PBRM1: variants seen among roughly 807,000 people sequenced by gnomAD.
The protein encoded by PBRM1 is protein polybromo-1.
PBRM1 carries 27 observed loss-of-function variants against 194.5 expected under a neutral mutation model. The observed-to-expected ratio is 0.14, with a 90% CI of 0.10 to 0.19. The LOEUF (loss-of-function observed/expected upper bound fraction) is 0.19. PBRM1 is among the 10% of genes least tolerant of loss of function. The pLI, the probability that PBRM1 is intolerant of heterozygous loss-of-function variation, is 1.00. For missense variants in PBRM1, 1,466 were observed against 2,077.2 expected (o/e 0.71, Z 5.72); for synonymous variants, 655 against 693.2 (o/e 0.94, Z 0.87).
intron 15 of PBRM1, among the ~76,000 whole-genome samples, chr3:52,610,428 C>T (rs549325750): frequency 7.2e-5 from 11 of 152,264 alleles, no homozygotes; most frequent in African/African-American, 2.4e-4. Flanking sequence ...CACTGAAAAT[C>T]GTACAAACAA....
At chr3:52,602,180 C>G (rs1466850379) in intron 17 of PBRM1, among the ~76,000 whole-genome samples, 1 of 152,158 alleles carries the variant, frequency 6.6e-6, no homozygotes, top group Non-Finnish European at 1.5e-5. Context: ...ATTCTTGGAG[C>G]TGTTTTTCAT....
At chr3:52,679,609 T>C (rs2154066073) in exon 1 of PBRM1, 1 of 1,613,824 alleles carries the variant, frequency 6.2e-7, no homozygotes, top group African/African-American at 1.3e-5. Flanking sequence ...AGTCTCCTCC[T>C]TTTCCTGCTT....
chr3:52,590,266 C>T (rs964426647), intron 17 of PBRM1, among the ~76,000 whole-genome samples: 2 of 151,864 alleles, frequency 1.3e-5, no homozygotes, highest in African/African-American at 4.8e-5. Flanking sequence ...GCCAGCCTGG[C>T]CAACATGGTG....
At chr3:52,615,491 A>T (rs761363678) in intron 14 of PBRM1, 35 bp from the exon 17 acceptor site, 5 of 1,273,798 alleles carry the variant, frequency 3.9e-6, no homozygotes, top group Non-Finnish European at 4.6e-6. Flanking sequence ...TTATTTTCTA[A>T]AAACTTTTCA....
Position 52,587,035 on chromosome 3 carries a change from C to T in PBRM1, c.3123+318G>A, listed in dbSNP as rs143964042. Among the ~76,000 whole-genome samples the T allele has an allele frequency of 5.2e-3, 790 of 152,018 alleles. 8 individuals carry two copies. The highest frequency in any genetic ancestry group is 0.018 in the African/African-American group (730 of 41,490). ...TGTGTATCAGACAGACACACAAAAG[C>T]ACACATTATTACCTAAAAAACAAAC... On this transcript the variant is annotated intron_variant, in intron 19 of 29. Coordinates refer to ENST00000296302, the Ensembl canonical transcript of PBRM1.
chr3:52,554,454 G>A (rs1183983262), intron 27 of PBRM1, among the ~76,000 whole-genome samples: 1 of 152,230 alleles, frequency 6.6e-6, no homozygotes, highest in South Asian at 2.1e-4. Flanking sequence ...AGTGATTATC[G>A]ATAGAGTATG....
intron 2 of PBRM1, among the ~76,000 whole-genome samples, chr3:52,670,286 C>T (rs2153998210): frequency 6.6e-6 from 1 of 152,308 alleles, no homozygotes; most frequent in South Asian, 2.1e-4. Flanking sequence ...ATGGTCAAAA[C>T]AGGGTCCCCC....
intron 24 of PBRM1, among the ~76,000 whole-genome samples, chr3:52,562,537 C>CT (rs61349809): frequency 0.087 from 9,360 of 108,170 alleles, 1,064 homozygotes; most frequent in African/African-American, 0.28. Flanking sequence ...TGAGAAAATT[C>CT]TTTTTTTTTT....
upstream of PBRM1, among the ~76,000 whole-genome samples, chr3:52,680,182 G>C (rs1482382943): frequency 6.6e-6 from 1 of 152,140 alleles, no homozygotes; most frequent in Non-Finnish European, 1.5e-5. Context: ...ATGATCATTT[G>C]CTAGGTGGGC....
In PBRM1 at chr3:52,627,027, C is replaced by T. The variant is rs770422387; in HGVS notation, c.1541+246G>A. Among the ~76,000 whole-genome samples the T allele has an allele frequency of 6.0e-5, 9 of 148,984 alleles. No homozygotes were observed. In the East Asian group the frequency reaches 7.8e-4, roughly 13 times the overall value. ...GAAAAAAAAAAACCCAGACGGCAAA[C>T]GGAATAACATGTTTTGCCAAGCTAC... is the stretch of plus-strand genomic sequence containing the variant. On this transcript the variant is annotated intron_variant, in intron 13 of 29. Transcript: ENST00000296302.
rs373610474 is a variant in PBRM1 at position 52,668,261 on chromosome 3, C to T, written c.384+237G>A. Among the ~76,000 whole-genome samples, 13 of 152,330 alleles carry T rather than the reference C, an allele frequency of 8.5e-5. No homozygotes were observed. The East Asian group carries it at 2.5e-3, about 29-fold the overall frequency. On this transcript the variant is annotated intron_variant, in intron 3 of 29. Transcript: ENST00000296302. ...GCCATGAGCCAAGATCTCACCACTG[C>T]ACTCCAGCCCGTGTAACAGAGCAAG... is the stretch of plus-strand genomic sequence containing the variant.
chr3:52,589,638 A>C (rs1377924733), intron 17 of PBRM1, among the ~76,000 whole-genome samples: 2 of 152,090 alleles, frequency 1.3e-5, no homozygotes, highest in African/African-American at 2.4e-5. Context: ...CCCCACCTTA[A>C]TGCTTCTTAA....
rs2153368484 is a variant in PBRM1, at chr3:52,550,411, G to A, written c.4897+10C>T. ...GTATTTCACAAAGGCTTATTTAGAA[G>A]GAATCTTACCTGCCAGTGTCTGATC... is the stretch of plus-strand genomic sequence containing the variant. On this transcript the variant is annotated intron_variant, in intron 29 of 29. Coordinates refer to ENST00000296302, the Ensembl canonical transcript of PBRM1. 8.6e-7 allele frequency: 1 copy of A among 1,165,698 alleles called. No individual in the cohort carries two copies. The highest frequency in any genetic ancestry group is 1.2e-6 in the Non-Finnish European group (1 of 869,198). The allele number at this position is 1,165,698 out of a possible 1,614,324, so 72.2% of individuals were successfully genotyped here.
chr3:52,662,400 T>G, intron 3 of PBRM1, 124 bp from the exon 5 acceptor site: 1 of 715,878 alleles, frequency 1.4e-6, no homozygotes, highest in Non-Finnish European at 2.3e-6. Flanking sequence ...TCCTCATGAT[T>G]AAAACATATA....
At chr3:52,600,472 C>A (rs1226783244) in intron 17 of PBRM1, among the ~76,000 whole-genome samples, 1 of 152,048 alleles carries the variant, frequency 6.6e-6, no homozygotes, top group East Asian at 1.9e-4. Context: ...TTTCAAATAT[C>A]TTTTGTATTT....
At chr3:52,680,331 C>T (rs1243061272), upstream of PBRM1, among the ~76,000 whole-genome samples, 1 of 152,138 alleles carries the variant, frequency 6.6e-6, no homozygotes, top group Non-Finnish European at 1.5e-5. Flanking sequence ...GTTCTCCATT[C>T]ATTAAAACAG....
Position 52,652,241 on chromosome 3 carries a change from G to A in PBRM1, c.646-431C>T, listed in dbSNP as rs1327519092. Among the ~76,000 whole-genome samples, 9 of 151,824 alleles carry A rather than the reference G, an allele frequency of 5.9e-5. No homozygotes were observed. The East Asian group carries it at 9.7e-4, about 16-fold the overall frequency. On this transcript the variant is annotated intron_variant, in intron 5 of 29. Transcript: ENST00000296302. ...TCTACTAAAAATACAAAAATTAGCC[G>A]GGCGTGGTGGCAGGCACCTGTAATC...
intron 8 of PBRM1, among the ~76,000 whole-genome samples, chr3:52,643,913 A>G (rs1188570022): frequency 6.6e-6 from 1 of 151,984 alleles, no homozygotes; most frequent in African/African-American, 2.4e-5. Context: ...TGGAGGTTGC[A>G]GTGGGCCGAG....
chr3:52,680,384 C>T (rs72950437), upstream of PBRM1, among the ~76,000 whole-genome samples: 17,181 of 152,180 alleles, frequency 0.11, 2,568 homozygotes, highest in African/African-American at 0.35. Flanking sequence ...ATGAGACTTG[C>T]TATACCTAGA....
Sources: gnomAD v4.1 joint callset for allele counts (sites outside exome capture counted in the v4.1 genomes callset) on GRCh38, gnomAD v4.1.1 for gene constraint, MANE v1.5 for transcripts, NCBI Gene and HGNC (gene_info 2026-07-23, HGNC 2026-07-21) for gene names.